CDHR2: variants seen among roughly 807,000 people sequenced by gnomAD.
CDHR2 encodes the protein cadherin related family member 2.
In CDHR2, 104 loss-of-function variants were observed where a neutral mutation model predicts 138.6. The ratio of observed to expected loss-of-function variants is 0.75; its 90% CI spans 0.64 to 0.88. The LOEUF (loss-of-function observed/expected upper bound fraction) is 0.88, where lower values mean the gene tolerates loss of function less well. Among genes scored for constraint, CDHR2 ranks in the 40% least tolerant of loss-of-function variants. The pLI is 0.00. For synonymous variants in CDHR2, 755 were observed against 742.8 expected (o/e 1.02, Z -0.27); for missense variants, 1,624 against 1,727.6 (o/e 0.94, Z 1.06).
chr5:176,581,270 G>A, intron 16 of CDHR2, 73 bp from the exon 17 acceptor site: 1 of 1,583,272 alleles, frequency 6.3e-7, no homozygotes, highest in Non-Finnish European at 8.6e-7. Flanking sequence ...GGAGAGGAGG[G>A]TCCGGCTGCA....
chr5:176,546,012 G>C (rs542263674), upstream of CDHR2, among the ~76,000 whole-genome samples: 8 of 152,266 alleles, frequency 5.3e-5, no homozygotes, highest in Admixed American at 2.0e-4. Flanking sequence ...GGCAGGGAGA[G>C]GGGGCAGGGG....
intron 6 of CDHR2, 63 bp from the exon 7 acceptor site, chr5:176,574,020 G>T: frequency 7.8e-7 from 1 of 1,277,538 alleles, no homozygotes; most frequent in Non-Finnish European, 1.1e-6. Flanking sequence ...CAGGGGGGCA[G>T]TGACGGACAA....
chr5:176,566,372 T>C (rs985481085), intron 3 of CDHR2, among the ~76,000 whole-genome samples: 1 of 152,128 alleles, frequency 6.6e-6, no homozygotes, highest in African/African-American at 2.4e-5. Flanking sequence ...CGAATGAAGT[T>C]TGGGAAACAT....
chr5:176,579,442 C>T lies in CDHR2; in HGVS notation c.1818+834C>T, dbSNP rs140832732. Among the ~76,000 whole-genome samples, 5 of 152,316 alleles carry T rather than the reference C, an allele frequency of 3.3e-5. No individual in the cohort carries two copies. The East Asian group carries it at 7.7e-4, about 24-fold the overall frequency. ...GGCGCTGGGGCTGCAGCCCAGACCT[C>T]TCTGGCCCTGAAGCCTTGGCCTTTC... is the stretch of plus-strand genomic sequence containing the variant. On this transcript the variant is annotated intron_variant, in intron 16 of 31. Coordinates refer to ENST00000261944, the MANE Select transcript of CDHR2 (RefSeq NM_017675.6).
At chr5:176,551,909 T>C (rs1216203131) in intron 1 of CDHR2, among the ~76,000 whole-genome samples, 12 of 151,366 alleles carry the variant, frequency 7.9e-5, no homozygotes, top group Non-Finnish European at 1.8e-4. Flanking sequence ...AGAGACGGCG[T>C]TTCACCATGT....
intron 1 of CDHR2, among the ~76,000 whole-genome samples, chr5:176,558,368 A>G (rs193180225): frequency 0.016 from 2,272 of 145,704 alleles, 65 homozygotes; most frequent in African/African-American, 0.054. Context: ...GGCGCCCGCC[A>G]CCATGCCCAG....
chr5:176,562,956 G>T (rs1341813533), intron 1 of CDHR2, among the ~76,000 whole-genome samples: 1 of 152,166 alleles, frequency 6.6e-6, no homozygotes, highest in East Asian at 1.9e-4. Context: ...CATGGAAGGT[G>T]CATGAGTAAG....
intron 1 of CDHR2, among the ~76,000 whole-genome samples, chr5:176,544,309 C>A (rs547200474): frequency 7.9e-5 from 12 of 152,056 alleles, no homozygotes; most frequent in Admixed American, 2.6e-4. Context: ...CATGGGTCCC[C>A]AATTTCTTTC....
rs1193878835 is a variant in CDHR2 at position 176,584,809 on chromosome 5, A to C, written c.2528A>C (p.Glu843Ala). The stretch of plus-strand genomic sequence containing the variant: ...GATGTGGACACCAGTGCCCAGCTGG[A>C]GATACAGCTTGTGAACATTCTCTGC... ...ASDVDTSAQL[E>A]IQLVNILCTK... The change falls in exon 19 of 32, where the codon GAG (glutamate) becomes GCG (alanine). Residue 843 changes from glutamate (E) to alanine (A), a missense_variant. Coordinates refer to ENST00000261944, the MANE Select transcript of CDHR2 (RefSeq NM_017675.6). 4 of 1,613,978 alleles carry C rather than the reference A, an allele frequency of 2.5e-6. No homozygotes were observed. The highest frequency in any genetic ancestry group is 3.4e-6 in the Non-Finnish European group (4 of 1,180,034).
intron 2 of CDHR2, 72 bp downstream of exon 2, chr5:176,565,476 G>A (rs1241482376): frequency 6.8e-7 from 1 of 1,472,292 alleles, no homozygotes; most frequent in Non-Finnish European, 9.5e-7. Flanking sequence ...AGAAAGGAGG[G>A]GGATCCCTCA....
intron 1 of CDHR2, among the ~76,000 whole-genome samples, chr5:176,556,325 C>A (rs577237518): frequency 6.6e-6 from 1 of 152,180 alleles, no homozygotes; most frequent in East Asian, 1.9e-4. Context: ...GCCAGGATAG[C>A]GCCATTGCAC....
chr5:176,569,901 A>G (rs1476273020), intron 5 of CDHR2, among the ~76,000 whole-genome samples: 1 of 151,722 alleles, frequency 6.6e-6, no homozygotes, highest in African/African-American at 2.4e-5. Context: ...TGGAGGTTGT[A>G]TTGAGCCGAG....
At chr5:176,590,795 C>A (rs1758826042) in intron 28 of CDHR2, 108 bp downstream of exon 28, 3 of 1,432,394 alleles carry the variant, frequency 2.1e-6, no homozygotes, top group Non-Finnish European at 2.9e-6. Context: ...GGTATACATG[C>A]ATTCACTCCC....
chr5:176,578,573 C>CA lies in CDHR2; in HGVS notation c.1784dup (p.Glu596GlyfsTer16), dbSNP rs1758458243. The CA allele has an allele frequency of 6.2e-7, 1 of 1,613,330 alleles. No homozygotes were observed. The highest frequency in any genetic ancestry group is 1.7e-5 in the Admixed American group (1 of 59,998). On this transcript the variant is annotated frameshift_variant, in exon 16 of 32. Transcript: ENST00000261944. LOFTEE classifies it high-confidence loss of function. ...TAGCGGCTCCTACAACATCTTCGTCCAGGAGGAGGAGGGCAATGTCTCCGT... is the reference window on the plus strand; with the variant it reads ...TAGCGGCTCCTACAACATCTTCGTCCAAGGAGGAGGAGGGCAATGTCTCCGT...
At chr5:176,569,345 G>A (rs1456435177) in intron 5 of CDHR2, among the ~76,000 whole-genome samples, 2 of 149,890 alleles carry the variant, frequency 1.3e-5, no homozygotes, top group Admixed American at 6.7e-5. Context: ...GTGCAGTGGC[G>A]CGATCTCGGC....
intron 3 of CDHR2, among the ~76,000 whole-genome samples, chr5:176,567,400 G>A (rs1288948992): frequency 6.6e-6 from 1 of 152,076 alleles, no homozygotes; most frequent in East Asian, 1.9e-4. Flanking sequence ...AAACTCCTGG[G>A]CTCAAGCAGT....
At chr5:176,577,257 C>T (rs1758404979) in intron 12 of CDHR2, 142 bp from the exon 13 acceptor site, 2 of 898,498 alleles carry the variant, frequency 2.2e-6, no homozygotes, top group Non-Finnish European at 3.4e-6. Context: ...CCTCCTGCAC[C>T]CTCTCTCGCA....
At chr5:176,592,556 G>A (rs865775550) in intron 30 of CDHR2, among the ~76,000 whole-genome samples, 167 bp from the exon 31 acceptor site, 12 of 151,194 alleles carry the variant, frequency 7.9e-5, no homozygotes, top group Middle Eastern at 6.9e-3. Flanking sequence ...GATGGTGATG[G>A]TGCTGATGGT....
chr5:176,561,779 A>G (rs1485262352), intron 1 of CDHR2, among the ~76,000 whole-genome samples: 2 of 151,868 alleles, frequency 1.3e-5, no homozygotes, highest in Non-Finnish European at 2.9e-5. Flanking sequence ...AGCTGGGACT[A>G]CAGGCATGTG....
Sources: gnomAD v4.1 joint callset for allele counts (sites outside exome capture counted in the v4.1 genomes callset) on GRCh38, gnomAD v4.1.1 for gene constraint, MANE v1.5 for transcripts, NCBI Gene and HGNC (gene_info 2026-07-23, HGNC 2026-07-21) for gene names.